The following CAMK2B variants were observed in gnomAD, a reference collection of about 807,000 sequenced individuals.
CAMK2B encodes calcium/calmodulin dependent protein kinase II beta.
Under a neutral mutation model 93.7 loss-of-function variants are expected in CAMK2B, and 27 were observed. The observed-to-expected ratio is 0.29, with a 90% confidence interval of 0.21 to 0.40. CAMK2B has a LOEUF of 0.40. Among genes scored for constraint, CAMK2B ranks in the 10% least tolerant of loss-of-function variants. The pLI is 1.00. For missense variants in CAMK2B, 568 were observed against 895.8 expected (o/e 0.63, Z 4.67); for synonymous variants, 374 against 358.8 (o/e 1.04, Z -0.48).
At chr7:44,293,576 C>T (rs1787448117) in intron 1 of CAMK2B, among the ~76,000 whole-genome samples, 1 of 152,176 alleles carries the variant, frequency 6.6e-6, no homozygotes. Flanking sequence ...GGGGCAAGGG[C>T]TAGGGGAAAA....
chr7:44,235,894 T>G (rs3824063), intron 13 of CAMK2B, among the ~76,000 whole-genome samples: 1 of 152,164 alleles, frequency 6.6e-6, no homozygotes, highest in East Asian at 1.9e-4. Context: ...TGCCTGGGGA[T>G]CCCGTGCTGC....
At chr7:44,238,860 G>A (rs1482007835) in intron 13 of CAMK2B, among the ~76,000 whole-genome samples, 5 of 152,164 alleles carry the variant, frequency 3.3e-5, no homozygotes, top group South Asian at 2.1e-4. Flanking sequence ...TCTTGGGGTC[G>A]CCTAGCCCTC....
At chr7:44,321,585 A>G (rs932376583) in intron 1 of CAMK2B, among the ~76,000 whole-genome samples, 6 of 152,172 alleles carry the variant, frequency 3.9e-5, no homozygotes, top group Non-Finnish European at 7.4e-5. Flanking sequence ...AAAACCAAAC[A>G]TTTAAAGTAA....
chr7:44,234,812 C>T (rs770526725), intron 13 of CAMK2B, 136 bp from the exon 14 acceptor site: 8 of 895,016 alleles, frequency 8.9e-6, no homozygotes, highest in Non-Finnish European at 1.4e-5. Flanking sequence ...GGTTCCAGCA[C>T]CCAGGCTGGC....
intron 2 of CAMK2B, among the ~76,000 whole-genome samples, chr7:44,273,560 C>CCCCCACCTGGGGT (rs1480927726): frequency 1.4e-5 from 1 of 70,098 alleles, no homozygotes; most frequent in Non-Finnish European, 4.0e-5. Flanking sequence ...CACCTGGGGT[C>CCCCCACCTGGGGT]CCCCCACCCC....
chr7:44,233,047 G>A (rs1475256608), intron 15 of CAMK2B, among the ~76,000 whole-genome samples, 181 bp from the exon 16 acceptor site: 1 of 152,116 alleles, frequency 6.6e-6, no homozygotes, highest in Non-Finnish European at 1.5e-5. Flanking sequence ...GCTGGGGGAG[G>A]AGCCTGGGTC....
At chr7:44,219,687 A>C (rs1480962336) in intron 23 of CAMK2B, 165 bp from the exon 24 acceptor site, 2 of 292,298 alleles carry the variant, frequency 6.8e-6, no homozygotes, top group Non-Finnish European at 1.3e-5. Context: ...ATCCCTGTAA[A>C]ACTGGGCTCT....
intron 4 of CAMK2B, among the ~76,000 whole-genome samples, chr7:44,257,429 A>T (rs2096843589): frequency 6.6e-6 from 1 of 152,200 alleles, no homozygotes; most frequent in Non-Finnish European, 1.5e-5. Context: ...GCACACACAC[A>T]TGCACGAACA....
At chr7:44,310,800 G>A (rs565771526) in intron 1 of CAMK2B, among the ~76,000 whole-genome samples, 2 of 152,268 alleles carry the variant, frequency 1.3e-5, no homozygotes, top group African/African-American at 4.8e-5. Flanking sequence ...AAGGGAATGG[G>A]GAGTCGGTAT....
chr7:44,236,484 A>C (rs960921275), intron 13 of CAMK2B, among the ~76,000 whole-genome samples: 6 of 152,214 alleles, frequency 3.9e-5, no homozygotes, highest in Non-Finnish European at 8.8e-5. Flanking sequence ...CCTCCTGGTG[A>C]AGCTGAGCAC....
chr7:44,313,001 G>T (rs1284686363), intron 1 of CAMK2B, among the ~76,000 whole-genome samples: 1 of 152,148 alleles, frequency 6.6e-6, no homozygotes, highest in Non-Finnish European at 1.5e-5. Flanking sequence ...GAGGAGTACA[G>T]GCTCAGCCAC....
intron 5 of CAMK2B, among the ~76,000 whole-genome samples, chr7:44,249,616 G>C (rs2096761139): frequency 6.6e-6 from 1 of 152,158 alleles, no homozygotes; most frequent in Admixed American, 6.5e-5. Flanking sequence ...ACTTTCCTCT[G>C]CCCTTGGGCA....
chr7:44,245,556 G>T (rs1392076715), intron 6 of CAMK2B, among the ~76,000 whole-genome samples: 1 of 152,172 alleles, frequency 6.6e-6, no homozygotes, highest in South Asian at 2.1e-4. Flanking sequence ...GCCCCTCACA[G>T]GAGAGCCACT....
intron 1 of CAMK2B, among the ~76,000 whole-genome samples, chr7:44,309,925 C>A (rs1051738558): frequency 6.6e-6 from 1 of 152,244 alleles, no homozygotes; most frequent in Non-Finnish European, 1.5e-5. Flanking sequence ...GTAGTCACCG[C>A]GCCTGAGCAG....
chr7:44,322,601 A>G (rs551031362), intron 1 of CAMK2B, among the ~76,000 whole-genome samples: 15 of 152,306 alleles, frequency 9.8e-5, no homozygotes, highest in African/African-American at 2.9e-4. Flanking sequence ...CTGCTCCCAC[A>G]TGGGCCACCA....
At position 44,315,272 on chromosome 7, in the gene CAMK2B, G is replaced by A. The variant is rs1794586057; in HGVS notation, c.65+10085C>T. On this transcript the variant is annotated intron_variant, in intron 1 of 23. Transcript: ENST00000395749. ...ATTTTTGTATATGGTGTCAAGTACA[G>A]CTCCAACTTCATTCTTCTGCATGTG... Among the ~76,000 whole-genome samples the A allele has an allele frequency of 2.0e-5, 3 of 152,104 alleles. No individual in the cohort carries two copies. In the South Asian group the frequency reaches 6.2e-4, roughly 32 times the overall value.
chr7:44,303,106 A>C (rs1790539565), intron 1 of CAMK2B, among the ~76,000 whole-genome samples: 1 of 152,224 alleles, frequency 6.6e-6, no homozygotes, highest in African/African-American at 2.4e-5. Flanking sequence ...CTTACATATC[A>C]GCAATGAATG....
Position 44,240,815 on chromosome 7 carries a change from A to AT in CAMK2B, c.904-67dup, listed in dbSNP as rs574870787. 134 of 1,534,074 alleles carry AT rather than the reference A, an allele frequency of 8.7e-5. 1 individual carries two copies. The African/African-American group carries it at 1.7e-3, about 20-fold the overall frequency. ...TGTTCCCTGCTGGCTTCTGGCCAGGATAAGACCCCTGTCCTCCTGCCCAGA... is the reference window on the plus strand; with the variant it reads ...TGTTCCCTGCTGGCTTCTGGCCAGGATTAAGACCCCTGTCCTCCTGCCCAGA... On this transcript the variant is annotated intron_variant, in intron 11 of 23. Coordinates refer to ENST00000395749, the MANE Select transcript of CAMK2B (RefSeq NM_001220.5).
At chr7:44,270,529 C>T (rs981499402) in intron 2 of CAMK2B, among the ~76,000 whole-genome samples, 1 of 152,202 alleles carries the variant, frequency 6.6e-6, no homozygotes, top group Non-Finnish European at 1.5e-5. Context: ...GTGATGTCAG[C>T]GCCATGCTCC....
Sources: gnomAD v4.1 joint callset for allele counts (sites outside exome capture counted in the v4.1 genomes callset) on GRCh38, gnomAD v4.1.1 for gene constraint, MANE v1.5 for transcripts, NCBI Gene and HGNC (gene_info 2026-07-23, HGNC 2026-07-21) for gene names.